ADAMTSL3: variants seen among roughly 807,000 people sequenced by gnomAD.
The protein encoded by ADAMTSL3 is ADAMTS like 3.
ADAMTSL3 carries 128 observed loss-of-function variants against 201.7 expected under a neutral mutation model. The ratio of observed to expected loss-of-function variants is 0.63; its 90% CI spans 0.55 to 0.73. The LOEUF (loss-of-function observed/expected upper bound fraction) is 0.73. ADAMTSL3 is among the 30% of genes least tolerant of loss of function. The pLI is 0.00. For synonymous variants in ADAMTSL3, 738 were observed against 748.4 expected, an observed-to-expected ratio of 0.99 and a Z score of 0.23; for missense variants, 1,990 against 2,119.6, an observed-to-expected ratio of 0.94 and a Z score of 1.20.
chr15:83,807,582 C>G (rs952930267), intron 5 of ADAMTSL3, among the ~76,000 whole-genome samples: 3 of 152,178 alleles, frequency 2.0e-5, no homozygotes, highest in African/African-American at 7.2e-5. Flanking sequence ...AATACAATCC[C>G]TGTTAAAATT....
intron 3 of ADAMTSL3, among the ~76,000 whole-genome samples, chr15:83,712,473 C>T (rs2061946219): frequency 6.6e-6 from 1 of 152,224 alleles, no homozygotes; most frequent in African/African-American, 2.4e-5. Context: ...CCTACTGCTA[C>T]TTCCTGGCTA....
intron 10 of ADAMTSL3, among the ~76,000 whole-genome samples, chr15:83,886,557 T>C (rs140020892): frequency 2.6e-5 from 4 of 152,258 alleles, no homozygotes; most frequent in African/African-American, 9.6e-5. Context: ...ACTTTGCCCT[T>C]TGCCTCCCCT....
intron 21 of ADAMTSL3, among the ~76,000 whole-genome samples, chr15:83,983,786 A>G (rs2067430720): frequency 6.6e-6 from 1 of 152,206 alleles, no homozygotes; most frequent in Non-Finnish European, 1.5e-5. Context: ...TGAGATTGGC[A>G]GGGCAGGGGT....
At chr15:83,856,792 G>C (rs1470835074) in intron 7 of ADAMTSL3, among the ~76,000 whole-genome samples, 2 of 152,156 alleles carry the variant, frequency 1.3e-5, no homozygotes, top group Non-Finnish European at 2.9e-5. Context: ...ATGTCTGTTT[G>C]TGTCCCTGCT....
intron 3 of ADAMTSL3, among the ~76,000 whole-genome samples, chr15:83,772,982 A>G (rs893584805): frequency 3.3e-5 from 5 of 152,214 alleles, no homozygotes; most frequent in Non-Finnish European, 7.3e-5. Context: ...AAATTTAGCA[A>G]TGATAAAATT....
At chr15:83,763,800 C>T (rs1016684010) in intron 3 of ADAMTSL3, among the ~76,000 whole-genome samples, 3 of 152,216 alleles carry the variant, frequency 2.0e-5, no homozygotes, top group East Asian at 1.9e-4. Context: ...CCACCGCACC[C>T]GGCCTAAGAA....
At chr15:83,727,362 G>T (rs1402015060) in intron 3 of ADAMTSL3, among the ~76,000 whole-genome samples, 1 of 150,172 alleles carries the variant, frequency 6.7e-6, no homozygotes, top group African/African-American at 2.4e-5. Flanking sequence ...GATTTTTTTT[G>T]TATTTTTTGT....
intron 3 of ADAMTSL3, among the ~76,000 whole-genome samples, chr15:83,748,649 CAAAAAAAAAAAAA>C (rs71156097): frequency 1.1e-4 from 8 of 70,514 alleles, no homozygotes; most frequent in African/African-American, 4.7e-4. Context: ...GACCCTGTCT[CAAAAAAAAAAAAA>C]AAAAAAAAAA....
chr15:83,830,860 T>A (rs1567175400), intron 6 of ADAMTSL3, among the ~76,000 whole-genome samples: 1 of 151,948 alleles, frequency 6.6e-6, no homozygotes, highest in Non-Finnish European at 1.5e-5. Context: ...GAGCAGCAGG[T>A]GGGCAGGATG....
At chr15:83,655,971 C>T (rs562015466) in intron 2 of ADAMTSL3, 141 bp downstream of exon 2, 1 of 912,670 alleles carries the variant, frequency 1.1e-6, no homozygotes, top group South Asian at 1.6e-5. Context: ...TATCTCTAGC[C>T]AATGGTATTT....
At chr15:83,834,412 T>G (rs1324640916) in intron 6 of ADAMTSL3, among the ~76,000 whole-genome samples, 2 of 152,218 alleles carry the variant, frequency 1.3e-5, no homozygotes, top group Non-Finnish European at 2.9e-5. Context: ...TACTCTGATT[T>G]TTAAGGCAGA....
At chr15:84,002,022 T>C (rs1487388315) in intron 23 of ADAMTSL3, among the ~76,000 whole-genome samples, 2 of 152,242 alleles carry the variant, frequency 1.3e-5, no homozygotes, top group African/African-American at 2.4e-5. Flanking sequence ...TTAAAAAGAC[T>C]CATTTATAAA....
chr15:83,914,968 T>C (rs575957931), intron 16 of ADAMTSL3, among the ~76,000 whole-genome samples: 31 of 152,330 alleles, frequency 2.0e-4, no homozygotes, highest in African/African-American at 7.5e-4. Context: ...TTGATGAGTT[T>C]GGGGAAACCC....
At chr15:83,818,542 G>A (rs895043650) in intron 5 of ADAMTSL3, among the ~76,000 whole-genome samples, 2 of 152,160 alleles carry the variant, frequency 1.3e-5, no homozygotes, top group Non-Finnish European at 2.9e-5. Flanking sequence ...GGCCAGGCTG[G>A]TCTGGAGCTC....
chr15:83,895,902 A>G (rs2065604127), intron 13 of ADAMTSL3, among the ~76,000 whole-genome samples: 1 of 152,196 alleles, frequency 6.6e-6, no homozygotes, highest in South Asian at 2.1e-4. Context: ...TGGCATCATG[A>G]ACTAGAGAGA....
At chr15:83,767,046 A>G (rs2062903852) in intron 3 of ADAMTSL3, among the ~76,000 whole-genome samples, 1 of 152,192 alleles carries the variant, frequency 6.6e-6, no homozygotes, top group South Asian at 2.1e-4. Context: ...GTGAGCCAAG[A>G]TTGTGCCACC....
At chr15:83,877,600 A>C (rs2065200078) in intron 9 of ADAMTSL3, among the ~76,000 whole-genome samples, 3 of 152,172 alleles carry the variant, frequency 2.0e-5, no homozygotes, top group African/African-American at 7.2e-5. Flanking sequence ...TTTTTATATC[A>C]TTGAAATCAG....
chr15:83,823,887 TTCTTCC>T (rs1206173652), intron 6 of ADAMTSL3, among the ~76,000 whole-genome samples: 1,921 of 100,434 alleles, frequency 0.019, 152 homozygotes, highest in African/African-American at 0.07. Context: ...TTCCTTCTTC[TTCTTCC>T]TCTTCTTCTT....
chr15:83,844,125 G>A (rs2064443739), intron 7 of ADAMTSL3, among the ~76,000 whole-genome samples: 1 of 152,168 alleles, frequency 6.6e-6, no homozygotes, highest in Non-Finnish European at 1.5e-5. Flanking sequence ...AAACAAGATC[G>A]GCTTGTCTAT....
Sources: allele counts gnomAD v4.1 joint callset (sites outside exome capture counted in the v4.1 genomes callset), GRCh38; gene constraint gnomAD v4.1.1; transcripts MANE v1.5; gene names NCBI Gene and HGNC (gene_info 2026-07-23, HGNC 2026-07-21).